Variants in BABAM2 observed in about 807,000 individuals in gnomAD.
The protein encoded by BABAM2 is BRISC and BRCA1-A complex member 2.
A neutral mutation model predicts 54.7 loss-of-function variants in BABAM2; 31 were observed. The observed-to-expected ratio is 0.57, with a 90% CI of 0.43 to 0.77. The LOEUF (loss-of-function observed/expected upper bound fraction) is 0.77, where lower values mean the gene tolerates loss of function less well. Among genes scored for constraint, BABAM2 ranks in the 30% least tolerant of loss-of-function variants. The probability of loss-of-function intolerance (pLI) is 0.00; values close to 1 mark genes in which losing one functional copy is unlikely to be tolerated. For synonymous variants in BABAM2, 167 were observed against 162.9 expected (o/e 1.03, Z -0.19); for missense variants, 364 against 455.8 (o/e 0.80, Z 1.83).
At chr2:28,317,363 T>C (rs997195317) in intron 11 of BABAM2, among the ~76,000 whole-genome samples, 1 of 152,130 alleles carries the variant, frequency 6.6e-6, no homozygotes, top group Non-Finnish European at 1.5e-5. Flanking sequence ...AATAGCACCC[T>C]TGGGCTTAAG....
chr2:28,216,693 G>T (rs940413642), intron 7 of BABAM2, among the ~76,000 whole-genome samples: 1 of 152,162 alleles, frequency 6.6e-6, no homozygotes, highest in Non-Finnish European at 1.5e-5. Flanking sequence ...AGCACCTACT[G>T]TGTAGAGAGC....
chr2:28,140,102 C>T (rs1429080941), intron 7 of BABAM2, among the ~76,000 whole-genome samples: 1 of 152,016 alleles, frequency 6.6e-6, no homozygotes, highest in East Asian at 1.9e-4. Context: ...AGGCATATTT[C>T]TTTTTTTTCT....
intron 6 of BABAM2, among the ~76,000 whole-genome samples, chr2:28,057,496 T>A (rs895441198): frequency 6.9e-6 from 1 of 145,116 alleles, no homozygotes; most frequent in Non-Finnish European, 1.5e-5. Flanking sequence ...CAGGTGACCA[T>A]TTTTTTTTTT....
At chr2:27,945,413 A>G (rs767368267) in intron 3 of BABAM2, among the ~76,000 whole-genome samples, 4 of 152,128 alleles carry the variant, frequency 2.6e-5, no homozygotes, top group Admixed American at 1.3e-4. Flanking sequence ...TTCCCTTAAT[A>G]TGTCTATCCT....
intron 6 of BABAM2, among the ~76,000 whole-genome samples, chr2:28,078,488 T>C (rs542387166): frequency 6.6e-6 from 1 of 152,224 alleles, no homozygotes; most frequent in East Asian, 1.9e-4. Flanking sequence ...ACAGTAAGAA[T>C]GAATCATCTA....
intron 11 of BABAM2, among the ~76,000 whole-genome samples, chr2:28,324,748 T>C (rs1690306198): frequency 6.6e-6 from 1 of 152,072 alleles, no homozygotes; most frequent in South Asian, 2.1e-4. Flanking sequence ...TGAGCCAAGA[T>C]TGCACCACCA....
chr2:28,009,796 C>T (rs932763863), intron 4 of BABAM2, among the ~76,000 whole-genome samples: 2 of 152,108 alleles, frequency 1.3e-5, no homozygotes, highest in African/African-American at 2.4e-5. Context: ...TGGCTGCCTT[C>T]TGGGGACCCA....
At chr2:27,957,102 ACTGTTTCTTCTCTGG>A (rs1289824111) in intron 3 of BABAM2, among the ~76,000 whole-genome samples, 1 of 151,906 alleles carries the variant, frequency 6.6e-6, no homozygotes, top group Non-Finnish European at 1.5e-5. Flanking sequence ...AAATTGCAAA[ACTGTTTCTTCTCTGG>A]CTAAAAAAAT....
chr2:28,241,214 C>A, intron 8 of BABAM2, 109 bp from the exon 9 acceptor site: 1 of 1,010,236 alleles, frequency 9.9e-7, no homozygotes. Context: ...GTGGGAATAC[C>A]GGTGTTCACT....
intron 10 of BABAM2, among the ~76,000 whole-genome samples, chr2:28,262,158 G>A (rs1040454447): frequency 1.3e-5 from 2 of 152,098 alleles, no homozygotes; most frequent in Non-Finnish European, 2.9e-5. Context: ...TGGAGGTGAG[G>A]AACTGAAAGT....
At chr2:28,064,617 A>T (rs1236322130) in intron 6 of BABAM2, among the ~76,000 whole-genome samples, 3 of 152,226 alleles carry the variant, frequency 2.0e-5, no homozygotes, top group African/African-American at 7.2e-5. Flanking sequence ...CATTTTAGAA[A>T]ATTGTCATAG....
At chr2:28,223,931 A>G (rs1294403156) in intron 7 of BABAM2, among the ~76,000 whole-genome samples, 3 of 151,728 alleles carry the variant, frequency 2.0e-5, no homozygotes, top group East Asian at 1.9e-4. Flanking sequence ...GTCTCCTCCC[A>G]CCCCTTCCTC....
chr2:28,014,550 G>C (rs1187641184), intron 4 of BABAM2, among the ~76,000 whole-genome samples: 1 of 151,144 alleles, frequency 6.6e-6, no homozygotes, highest in Non-Finnish European at 1.5e-5. Flanking sequence ...CCATTTATTG[G>C]TGTCTACTTA....
chr2:28,112,149 A>C (rs201036611), intron 6 of BABAM2, among the ~76,000 whole-genome samples: 3,359 of 10,672 alleles, frequency 0.31, 853 homozygotes, highest in South Asian at 0.54. Flanking sequence ...TTCTTTCTTT[A>C]CCTCCCTCCC....
chr2:28,111,542 C>T (rs775624941), intron 6 of BABAM2, among the ~76,000 whole-genome samples: 3 of 152,066 alleles, frequency 2.0e-5, no homozygotes, highest in Non-Finnish European at 2.9e-5. Flanking sequence ...TATACTTATT[C>T]TTAAATCCTA....
intron 10 of BABAM2, among the ~76,000 whole-genome samples, chr2:28,253,442 A>G (rs921847424): frequency 6.6e-6 from 1 of 151,938 alleles, no homozygotes; most frequent in African/African-American, 2.4e-5. Context: ...CATGCTCTAG[A>G]CACTGTTCTC....
intron 10 of BABAM2, among the ~76,000 whole-genome samples, chr2:28,249,818 G>A (rs1453005522): frequency 6.6e-6 from 1 of 151,924 alleles, no homozygotes; most frequent in African/African-American, 2.4e-5. Context: ...TTTTATGTAG[G>A]GACGAGGTTT....
At chr2:27,898,224 C>T (rs868752354) in intron 2 of BABAM2, among the ~76,000 whole-genome samples, 4 of 152,094 alleles carry the variant, frequency 2.6e-5, no homozygotes, top group Admixed American at 6.5e-5. Context: ...AACTGTTGGT[C>T]TTTTCATAAG....
At chr2:27,895,845 G>T (rs1465175947) in intron 2 of BABAM2, among the ~76,000 whole-genome samples, 4 of 151,870 alleles carry the variant, frequency 2.6e-5, no homozygotes, top group Admixed American at 2.6e-4. Flanking sequence ...TTCTCCTTCA[G>T]TTATTTATTT....
Sources: allele counts gnomAD v4.1 joint callset (sites outside exome capture counted in the v4.1 genomes callset), GRCh38; gene constraint gnomAD v4.1.1; transcripts MANE v1.5; gene names NCBI Gene and HGNC (gene_info 2026-07-23, HGNC 2026-07-21).